Variants in UBAP2 observed in about 807,000 individuals in gnomAD.
The protein encoded by UBAP2 is ubiquitin-associated protein 2.
In UBAP2, 75 loss-of-function variants were observed where a neutral mutation model predicts 139.6. The observed-to-expected ratio is 0.54, with a 90% CI of 0.45 to 0.65. The LOEUF (loss-of-function observed/expected upper bound fraction) is 0.65. Among genes scored for constraint, UBAP2 ranks in the 30% least tolerant of loss-of-function variants. The pLI, the probability that UBAP2 is intolerant of heterozygous loss-of-function variation, is 0.00. For missense variants in UBAP2, 1,368 were observed against 1,369.6 expected (o/e 1.00, Z 0.02); for synonymous variants, 526 against 526.2 (o/e 1.00, Z 0.01).
At position 33,988,970 on chromosome 9, in the gene UBAP2, T is replaced by TA. The variant is rs1441404284; in HGVS notation, c.442+2dup. 2 of 1,610,542 alleles carry TA rather than the reference T, an allele frequency of 1.2e-6. No individual in the cohort carries two copies. The highest frequency in any genetic ancestry group is 1.3e-5 in the African/African-American group (1 of 74,694). On this transcript the variant is annotated splice_region_variant and intron_variant, in intron 5 of 28. Transcript: ENST00000379238. ...AAAAACTGAGGAGAAAGTCTGTACT[T>TA]ACATTCTCTGCCACGATTGCCGCCT...
Position 33,927,029 on chromosome 9 carries a change from T to C in UBAP2, c.2423A>G (p.Gln808Arg), listed in dbSNP as rs766286254. Residue 808 changes from glutamine to arginine, a missense_variant, in exon 21 of 29, where the codon CAG becomes CGG. Physicochemically the swap from Gln to Arg is conservative, Grantham distance 43. Coordinates refer to ENST00000379238, the MANE Select transcript of UBAP2 (RefSeq NM_001370062.2). ...PQGVPPLLHN[Q>R]YLVGPGGLLP... is the part of the protein sequence containing the mutation. ...CAGTCCTCCGGGACCTACGAGGTACTGGTTGTGCAGCAGGGGAGGCACCCC... is the reference window on the plus strand; with the variant it reads ...CAGTCCTCCGGGACCTACGAGGTACCGGTTGTGCAGCAGGGGAGGCACCCC... 1.2e-6 allele frequency: 2 copies of C among 1,613,944 alleles called. No individual in the cohort carries two copies. The highest frequency in any genetic ancestry group is 1.1e-5 in the South Asian group (1 of 91,092).
intron 8 of UBAP2, among the ~76,000 whole-genome samples, chr9:33,971,298 C>G (rs1218702686): frequency 6.6e-6 from 1 of 152,160 alleles, no homozygotes; most frequent in Admixed American, 6.5e-5. Flanking sequence ...GCCAAAGAAT[C>G]CACCATTAGA....
intron 6 of UBAP2, among the ~76,000 whole-genome samples, chr9:33,975,506 A>T (rs1828257013): frequency 6.7e-6 from 1 of 148,626 alleles, no homozygotes; most frequent in Non-Finnish European, 1.5e-5. Context: ...GCTGGTAAAA[A>T]CGTAAAATGG....
chr9:33,978,016 T>TAAAA (rs78838897), intron 6 of UBAP2, among the ~76,000 whole-genome samples: 1 of 118,190 alleles, frequency 8.5e-6, no homozygotes, highest in Non-Finnish European at 1.8e-5. Context: ...CTCTGTCTTT[T>TAAAA]AAAAAAAAAA....
chr9:34,012,221 C>T (rs1207885315), intron 2 of UBAP2, among the ~76,000 whole-genome samples: 2 of 152,140 alleles, frequency 1.3e-5, no homozygotes, highest in Non-Finnish European at 2.9e-5. Context: ...GTATATTCCA[C>T]AATCTAATTA....
chr9:33,998,392 C>T lies in UBAP2; in HGVS notation c.177+395G>A, dbSNP rs181608372. The T allele has an allele frequency of 2.2e-3, 371 of 165,668 alleles. 2 individuals are homozygous for T. The highest frequency in any genetic ancestry group is 1.6e-3 in the Non-Finnish European group (119 of 76,530). 10.3% of individuals were successfully genotyped at this position (165,668 alleles called of 1,614,324 possible). A position where few individuals can be genotyped will look rare whatever the true frequency, so the allele number is the denominator to read the frequency against. On this transcript the variant is annotated intron_variant, in intron 3 of 28. Coordinates refer to ENST00000379238, the MANE Select transcript of UBAP2 (RefSeq NM_001370062.2). ...CAGCCTGGGCAACAGAGTGAGACCACGTCTCTATGAAAAAAAAATTTTTTA... is the reference window on the plus strand; with the variant it reads ...CAGCCTGGGCAACAGAGTGAGACCATGTCTCTATGAAAAAAAAATTTTTTA...
chr9:34,037,949 C>G (rs1414180299), intron 1 of UBAP2, among the ~76,000 whole-genome samples: 1 of 146,864 alleles, frequency 6.8e-6, no homozygotes, highest in Non-Finnish European at 1.5e-5. Context: ...GCACTTGAAC[C>G]CAGAAGTTGA....
chr9:33,927,872 T>C lies in UBAP2; in HGVS notation c.2296A>G (p.Asn766Asp), dbSNP rs773897114. Residue 766 changes from asparagine (N) to aspartate (D), a missense_variant, in exon 20 of 29, where the codon AAC (asparagine) becomes GAC (aspartate). Transcript: ENST00000379238. ...ASLSSSMNTA[N>D]SLCLGGTPAS... The stretch of plus-strand genomic sequence containing the variant: ...GGGGTCCCACCCAGACAGAGGCTGT[T>C]CGCGGTGTTCATGCTACTGGACAGG... 2 of 1,614,186 alleles carry C rather than the reference T, an allele frequency of 1.2e-6. No individual in the cohort carries two copies. The highest frequency in any genetic ancestry group is 4.5e-5 in the East Asian group (2 of 44,872).
rs1299597456 is a variant in UBAP2, at chr9:34,048,826, G to T, written c.-43C>A. ...GGAGAGGGAGAGGATGGCAATTACC[G>T]CTGCTGCTCTCGGAGGACCCAAGAC... On this transcript the variant is annotated splice_region_variant and 5_prime_UTR_variant, in exon 1 of 29. Transcript: ENST00000379238. 1 of 152,684 alleles carries T rather than the reference G, an allele frequency of 6.5e-6. No individual in the cohort carries two copies. Among genetic ancestry groups the T allele is most frequent in the African/African-American group, 2.4e-5 (1 of 41,452 alleles). 9.5% of individuals were successfully genotyped at this position (152,684 alleles called of 1,614,324 possible).
At chr9:34,038,600 G>A (rs1388770641) in intron 1 of UBAP2, among the ~76,000 whole-genome samples, 2 of 152,222 alleles carry the variant, frequency 1.3e-5, no homozygotes, top group Non-Finnish European at 2.9e-5. Context: ...TGTTGCCCAG[G>A]CTGGAGTGCA....
chr9:34,021,527 G>A (rs1473031730), intron 1 of UBAP2, among the ~76,000 whole-genome samples: 1 of 152,038 alleles, frequency 6.6e-6, no homozygotes, highest in Non-Finnish European at 1.5e-5. Flanking sequence ...TATTTTTAAA[G>A]CATTCTCTCA....
chr9:33,972,834 G>A (rs181799118), intron 7 of UBAP2, among the ~76,000 whole-genome samples: 20 of 152,226 alleles, frequency 1.3e-4, no homozygotes, highest in Admixed American at 6.5e-4. Context: ...ATTTAGGTAC[G>A]TCTATAGGTA....
intron 10 of UBAP2, among the ~76,000 whole-genome samples, chr9:33,960,620 A>G (rs1420408373): frequency 6.6e-6 from 1 of 152,126 alleles, no homozygotes; most frequent in Admixed American, 6.6e-5. Context: ...TACTAAAAAA[A>G]AAATACAAAA....
rs1452211079 is a variant in UBAP2, at chr9:33,963,768, T to C, written c.703A>G (p.Ile235Val). Residue 235 changes from isoleucine (I) to valine (V), a missense_variant, in exon 9 of 29, where the codon ATA (isoleucine) becomes GTA (valine). Ile to Val is a conservative substitution (Grantham distance 29, BLOSUM62 3). Coordinates refer to ENST00000379238, the MANE Select transcript of UBAP2 (RefSeq NM_001370062.2). Reference sequence around the variant, plus strand: ...CTTTTGTTTGACAGATCCTGAGCTATGTTGTGAGTATTTGATGCCAGTTCT... The same window carrying C: ...CTTTTGTTTGACAGATCCTGAGCTACGTTGTGAGTATTTGATGCCAGTTCT... Reference protein sequence around the residue: ...GTELASNTHNIAQDLSNKSSY... With the variant: ...GTELASNTHNVAQDLSNKSSY... 19 of 1,612,700 alleles carry C rather than the reference T, an allele frequency of 1.2e-5. No homozygotes were observed. Among genetic ancestry groups the C allele is most frequent in the Non-Finnish European group, 1.6e-5 (19 of 1,179,048 alleles).
Position 34,019,410 on chromosome 9 carries a change from T to TA in UBAP2, c.-41-2222dup, listed in dbSNP as rs917806177. Among the ~76,000 whole-genome samples, 96 of 149,716 alleles carry TA rather than the reference T, an allele frequency of 6.4e-4. 1 individual carries two copies. The highest frequency in any genetic ancestry group is 1.9e-3 in the African/African-American group (77 of 40,734). On this transcript the variant is annotated intron_variant, in intron 1 of 28. Transcript: ENST00000379238. ...AGAGCAAAACTCTCGGGGCAAGGGGTAAAAAAAAACGGACAAATACTACAT... is the reference window on the plus strand; with the variant it reads ...AGAGCAAAACTCTCGGGGCAAGGGGTAAAAAAAAAACGGACAAATACTACAT...
At position 34,002,401 on chromosome 9, in the gene UBAP2, C is replaced by T. The variant is rs540007571; in HGVS notation, c.100-3537G>A. On this transcript the variant is annotated intron_variant, in intron 2 of 28. Transcript: ENST00000379238. ...GCTTTTTTTTTTTTTTTTTTTGAGACAGAGTCTCGCTCTGTCGCCCAGGCT... is the reference window on the plus strand; with the variant it reads ...GCTTTTTTTTTTTTTTTTTTTGAGATAGAGTCTCGCTCTGTCGCCCAGGCT... 6.4e-5 allele frequency among the ~76,000 whole-genome samples: 8 copies of T among 124,710 alleles called. No homozygotes were observed. In the East Asian group the frequency reaches 1.7e-3, roughly 27 times the overall value. The allele number at this position is 124,710 out of a possible 152,430, so 81.8% of individuals were successfully genotyped here.
rs1435133412 is a variant in UBAP2 at position 33,975,493 on chromosome 9, A to G, written c.521-2256T>C. 4.0e-5 allele frequency among the ~76,000 whole-genome samples: 6 copies of G among 151,092 alleles called. No individual in the cohort carries two copies. In the East Asian group the frequency reaches 1.2e-3, roughly 29 times the overall value. ...AAAGATGTGGAGCACACCATTGTGCACTGCTGGTAAAAACGTAAAATGGGG... is the reference window on the plus strand; with the variant it reads ...AAAGATGTGGAGCACACCATTGTGCGCTGCTGGTAAAAACGTAAAATGGGG... On this transcript the variant is annotated intron_variant, in intron 6 of 28. Coordinates refer to ENST00000379238, the MANE Select transcript of UBAP2 (RefSeq NM_001370062.2).
chr9:34,016,675 C>T lies in UBAP2; in HGVS notation c.99+375G>A, dbSNP rs541655679. Reference sequence around the variant, plus strand: ...AGTTCAAGCGATTCTCCTGCCTTAGCCTCCCGAGAAGCTAGGATTACAGGC... The same window carrying T: ...AGTTCAAGCGATTCTCCTGCCTTAGTCTCCCGAGAAGCTAGGATTACAGGC... On this transcript the variant is annotated intron_variant, in intron 2 of 28. Transcript: ENST00000379238. Among the ~76,000 whole-genome samples the T allele has an allele frequency of 4.0e-5, 6 of 151,844 alleles. No homozygotes were observed. In the South Asian group the frequency reaches 1.0e-3, roughly 26 times the overall value.
intron 13 of UBAP2, among the ~76,000 whole-genome samples, 178 bp from the exon 14 acceptor site, chr9:33,944,817 G>T (rs1255987386): frequency 6.6e-6 from 1 of 152,082 alleles, no homozygotes; most frequent in East Asian, 1.9e-4. Context: ...TCCTAAATGG[G>T]TACACACCTT....
Sources: allele counts gnomAD v4.1 joint callset (sites outside exome capture counted in the v4.1 genomes callset), GRCh38; gene constraint gnomAD v4.1.1; transcripts MANE v1.5; gene names NCBI Gene and HGNC (gene_info 2026-07-23, HGNC 2026-07-21).